The following MAK16 variants were observed in gnomAD, a reference collection of about 807,000 sequenced individuals.
The protein encoded by MAK16 is MAK16 homolog.
MAK16 carries 12 observed loss-of-function variants against 49.9 expected under a neutral mutation model. The ratio of observed to expected loss-of-function variants is 0.24; its 90% CI spans 0.15 to 0.39. MAK16 has a LOEUF of 0.39. Among genes scored for constraint, MAK16 ranks in the 10% least tolerant of loss-of-function variants. The probability of loss-of-function intolerance (pLI) is 1.00; values close to 1 mark genes in which losing one functional copy is unlikely to be tolerated. For synonymous variants in MAK16, 115 were observed against 126.4 expected (o/e 0.91, Z 0.60); for missense variants, 292 against 363.7 (o/e 0.80, Z 1.60).
chr8:33,489,013 A>G lies in MAK16; in HGVS notation c.266A>G (p.Lys89Arg), dbSNP rs1808733494. The G allele has an allele frequency of 6.2e-7, 1 of 1,614,046 alleles. No individual in the cohort carries two copies. The highest frequency in any genetic ancestry group is 8.5e-7 in the Non-Finnish European group (1 of 1,180,042). ...GTCCGGCTTAGTAAAAACTATGAGAAAGCACTGGAGCAAATAGATGAAAAT... is the reference window on the plus strand; with the variant it reads ...GTCCGGCTTAGTAAAAACTATGAGAGAGCACTGGAGCAAATAGATGAAAAT... Reference protein sequence around the residue: ...ERVRLSKNYEKALEQIDENLI... With the variant: ...ERVRLSKNYERALEQIDENLI... The change falls in exon 5 of 10, where the codon AAA becomes AGA. Residue 89 changes from lysine (K) to arginine (R), a missense_variant. Physicochemically the swap from Lys to Arg is conservative, Grantham distance 26 (BLOSUM62 2). Coordinates refer to ENST00000360128, the MANE Select transcript of MAK16 (RefSeq NM_032509.4). The surrounding 1 kb of genome is among the most constrained non-coding windows in gnomAD (Gnocchi z 4.2).
intron 1 of MAK16, among the ~76,000 whole-genome samples, chr8:33,486,682 T>A (rs1808692954): frequency 6.6e-6 from 1 of 152,242 alleles, no homozygotes; most frequent in Non-Finnish European, 1.5e-5. Flanking sequence ...GGTGATGGAT[T>A]AAGTGAAGAA....
At position 33,499,455 on chromosome 8, in the gene MAK16, A is replaced by G; in HGVS notation, c.*826A>G. 1.8e-6 allele frequency: 1 copy of G among 567,564 alleles called. No homozygotes were observed. The highest frequency in any genetic ancestry group is 3.1e-6 in the Non-Finnish European group (1 of 321,436). The allele number at this position is 567,564 out of a possible 1,614,324, so 35.2% of individuals were successfully genotyped here. A position where few individuals can be genotyped will look rare whatever the true frequency, so the allele number is the denominator to read the frequency against. ...TTTTTTATTATTTTTAAATTTATAT[A>G]GCTCTCATGTATTGAAGGTGCTACT... On this transcript the variant is annotated 3_prime_UTR_variant, in exon 10 of 10. Transcript: ENST00000360128.
At position 33,489,610 on chromosome 8, in the gene MAK16, C is replaced by T. The variant is rs1314767645; in HGVS notation, c.392+471C>T. Among the ~76,000 whole-genome samples, 1 of 152,088 alleles carries T rather than the reference C, an allele frequency of 6.6e-6. No homozygotes were observed. The highest frequency in any genetic ancestry group is 2.4e-5 in the African/African-American group (1 of 41,416). On this transcript the variant is annotated intron_variant, in intron 5 of 9. Transcript: ENST00000360128. The surrounding 1 kb of genome is among the most constrained non-coding windows in gnomAD (Gnocchi z 4.2). ...GGCCAGGCTGGTCTAGAATTCCTGA[C>T]CTCAAGCGATCCGCCTTAGCCTCCC... is the stretch of plus-strand genomic sequence containing the variant.
intron 6 of MAK16, among the ~76,000 whole-genome samples, 199 bp from the exon 7 acceptor site, chr8:33,495,343 A>T (rs116117199): frequency 5.4e-4 from 82 of 152,356 alleles, no homozygotes; most frequent in Middle Eastern, 3.4e-3. Context: ...AGGAATTTCA[A>T]AATGGAAATG....
chr8:33,498,289 AAAAT>A, intron 9 of MAK16, 139 bp from the exon 10 acceptor site: 2 of 732,676 alleles, frequency 2.7e-6, no homozygotes, highest in East Asian at 5.8e-5. Flanking sequence ...AAAAAAAAAA[AAAAT>A]TAAAGAAAGG....
At chr8:33,486,913 T>C (rs77524223) in intron 1 of MAK16, among the ~76,000 whole-genome samples, 2,317 of 152,218 alleles carry the variant, frequency 0.015, 72 homozygotes, top group African/African-American at 0.053. Context: ...AAATAACAAT[T>C]TAGGAGTCAT....
rs34242409 is a variant in MAK16 at position 33,499,043 on chromosome 8, AG to A, written c.*416del. On this transcript the variant is annotated 3_prime_UTR_variant, in exon 10 of 10. Transcript: ENST00000360128. Reference sequence around the variant, plus strand: ...CCTATTCTTATGGAGGTAAAAGGAAAGGAAGGAAGGAAAAAGCAGCTTTCAC... The same window carrying A: ...CCTATTCTTATGGAGGTAAAAGGAAAGAAGGAAGGAAAAAGCAGCTTTCAC... 478,103 of 773,262 alleles carry A rather than the reference AG, an allele frequency of 0.62. 150,185 individuals carry two copies. Among genetic ancestry groups the A allele is most frequent in the African/African-American group, 0.68 (39,338 of 57,704 alleles). 47.9% of individuals were successfully genotyped at this position (773,262 alleles called of 1,614,324 possible). A position where few individuals can be genotyped will look rare whatever the true frequency, so the allele number is the denominator to read the frequency against.
chr8:33,493,461 C>T (rs1309356331), intron 6 of MAK16, among the ~76,000 whole-genome samples: 1 of 152,190 alleles, frequency 6.6e-6, no homozygotes, highest in Non-Finnish European at 1.5e-5. Flanking sequence ...ATACACACTT[C>T]CACTAATAAT....
intron 1 of MAK16, chr8:33,485,516 CAGCTG>C: frequency 6.6e-6 from 3 of 454,484 alleles, no homozygotes; most frequent in Non-Finnish European, 1.2e-5. Flanking sequence ...TGTCAGCTGT[CAGCTG>C]TCAGCTCCGG....
At chr8:33,497,821 C>T (rs112757531) in intron 9 of MAK16, among the ~76,000 whole-genome samples, 2 of 151,374 alleles carry the variant, frequency 1.3e-5, no homozygotes, top group Non-Finnish European at 2.9e-5. Context: ...CATGACCAGG[C>T]GTGGTGGCTC....
intron 5 of MAK16, 109 bp from the exon 6 acceptor site, chr8:33,490,174 CAT>C: frequency 8.5e-6 from 7 of 826,840 alleles, no homozygotes; most frequent in Non-Finnish European, 1.4e-5. Flanking sequence ...CTGCCCTGCA[CAT>C]GAGTAGACTT....
chr8:33,498,945 T>G lies in MAK16; in HGVS notation c.*316T>G. On this transcript the variant is annotated 3_prime_UTR_variant, in exon 10 of 10. Coordinates refer to ENST00000360128, the MANE Select transcript of MAK16 (RefSeq NM_032509.4). ...TATTTCTAAATTTTAAATGCTACATTACTTGGTGTCCTTTTTTCTCCCAAA... is the reference window on the plus strand; with the variant it reads ...TATTTCTAAATTTTAAATGCTACATGACTTGGTGTCCTTTTTTCTCCCAAA... 3.4e-6 allele frequency: 2 copies of G among 589,374 alleles called. No individual in the cohort carries two copies. The highest frequency in any genetic ancestry group is 6.0e-6 in the Non-Finnish European group (2 of 334,702). The allele number at this position is 589,374 out of a possible 1,614,324, so 36.5% of individuals were successfully genotyped here.
At chr8:33,490,239 C>A in intron 5 of MAK16, 46 bp from the exon 6 acceptor site, 1 of 1,486,126 alleles carries the variant, frequency 6.7e-7, no homozygotes. Flanking sequence ...TAAAAAGGAA[C>A]ACAGCACATG....
chr8:33,498,271 C>CAAAAA lies in MAK16; in HGVS notation c.706-144_706-140dup, dbSNP rs35740010. The stretch of plus-strand genomic sequence containing the variant: ...TGGGCAACAGAGCAAGACCCCGTCT[C>CAAAAA]AAAAAAAAAAAAAAAAAAAAATTAA... On this transcript the variant is annotated intron_variant, in intron 9 of 9. Coordinates refer to ENST00000360128, the MANE Select transcript of MAK16 (RefSeq NM_032509.4). Among the ~76,000 whole-genome samples the CAAAAA allele has an allele frequency of 3.6e-3, 307 of 85,732 alleles. 4 individuals are homozygous for CAAAAA. Among genetic ancestry groups the CAAAAA allele is most frequent in the African/African-American group, 0.014 (290 of 20,816 alleles). The allele number at this position is 85,732 out of a possible 152,430, so 56.2% of individuals were successfully genotyped here.
In MAK16 at chr8:33,496,707, C is replaced by T. The variant is rs530627287; in HGVS notation, c.605C>T (p.Thr202Ile). 8 of 1,612,372 alleles carry T rather than the reference C, an allele frequency of 5.0e-6. No individual in the cohort carries two copies. Among genetic ancestry groups the T allele is most frequent in the Non-Finnish European group, 6.8e-6 (8 of 1,179,410 alleles). The change falls in exon 8 of 10, where the codon ACT becomes ATT. Residue 202 changes from threonine (T) to isoleucine (I), a missense_variant. By Grantham distance (89) the Thr-to-Ile change is moderately conservative. Transcript: ENST00000360128. ...QQEAESDSSD[T>I]EEKDDDDDDE... is the part of the protein sequence containing the mutation. Reference sequence around the variant, plus strand: ...GAGGCAGAGAGTGACTCTTCAGATACTGAGGAAAAAGATGATGATGATGAT... The same window carrying T: ...GAGGCAGAGAGTGACTCTTCAGATATTGAGGAAAAAGATGATGATGATGAT...
intron 6 of MAK16, among the ~76,000 whole-genome samples, chr8:33,491,320 G>T (rs1171913000): frequency 6.6e-6 from 1 of 152,124 alleles, no homozygotes; most frequent in Non-Finnish European, 1.5e-5. Context: ...TAGATGGTAT[G>T]GTAGCTCTAG....
chr8:33,495,421 A>G (rs1800918545), intron 6 of MAK16, 121 bp from the exon 7 acceptor site: 2 of 795,770 alleles, frequency 2.5e-6, no homozygotes, highest in South Asian at 3.4e-5. Context: ...AGCCAGTATT[A>G]GCAAGGAGGG....
At chr8:33,498,308 A>G (rs866371088) in intron 9 of MAK16, 124 bp from the exon 10 acceptor site, 1 of 794,264 alleles carries the variant, frequency 1.3e-6, no homozygotes, top group Non-Finnish European at 1.9e-6. Flanking sequence ...GAAAGGGACA[A>G]TTTCTGAACA....
At chr8:33,486,944 A>C (rs1218217930) in intron 1 of MAK16, among the ~76,000 whole-genome samples, 1 of 152,226 alleles carries the variant, frequency 6.6e-6, no homozygotes, top group Non-Finnish European at 1.5e-5. Context: ...ATGATACTTA[A>C]AGCCACAAGC....
Sources: allele counts gnomAD v4.1 joint callset (sites outside exome capture counted in the v4.1 genomes callset), GRCh38; gene constraint gnomAD v4.1.1; non-coding constraint Gnocchi (gnomAD v3.1); transcripts MANE v1.5; gene names NCBI Gene and HGNC (gene_info 2026-07-23, HGNC 2026-07-21).